The following CRKL variants were observed in gnomAD, a reference collection of about 807,000 sequenced individuals.
CRKL encodes the protein CRK like proto-oncogene, adaptor protein, also known as crk-like protein.
A neutral mutation model predicts 23.0 loss-of-function variants in CRKL; 3 were observed. The observed-to-expected ratio is 0.13, with a 90% confidence interval of 0.06 to 0.34. The LOEUF (loss-of-function observed/expected upper bound fraction) is 0.34, where lower values mean the gene tolerates loss of function less well. Among genes scored for constraint, CRKL ranks in the 10% least tolerant of loss-of-function variants. CRKL has a pLI of 1.00. For missense variants in CRKL, 256 were observed against 394.5 expected (o/e 0.65, Z 2.97); for synonymous variants, 188 against 160.7 (o/e 1.17, Z -1.28).
intron 2 of CRKL, among the ~76,000 whole-genome samples, chr22:20,949,086 C>G (rs929678524): frequency 6.6e-6 from 1 of 152,074 alleles, no homozygotes; most frequent in African/African-American, 2.4e-5. Flanking sequence ...GGGTGGGGAG[C>G]TGCTTTGTGC....
chr22:20,937,083 C>A (rs1362741913), intron 2 of CRKL, among the ~76,000 whole-genome samples: 1 of 151,384 alleles, frequency 6.6e-6, no homozygotes, highest in Admixed American at 6.6e-5. Context: ...AACTCCTAGC[C>A]TCTGATCATC....
chr22:20,920,299 A>G (rs6004914), intron 1 of CRKL, among the ~76,000 whole-genome samples: 127,519 of 152,014 alleles, frequency 0.84, 53,680 homozygotes, highest in East Asian at 0.92. Flanking sequence ...TCAGGAGTTC[A>G]AGACCATCTT....
At chr22:20,941,811 C>G (rs541865400) in intron 2 of CRKL, among the ~76,000 whole-genome samples, 118 of 151,278 alleles carry the variant, frequency 7.8e-4, no homozygotes, top group African/African-American at 2.7e-3. Context: ...CTAGGCTGCT[C>G]TTGAACTCCT....
intron 1 of CRKL, among the ~76,000 whole-genome samples, chr22:20,927,035 C>T (rs1170762637): frequency 7.4e-6 from 1 of 135,510 alleles, no homozygotes; most frequent in Admixed American, 8.5e-5. Flanking sequence ...TGGCTTGAAC[C>T]TGGGAGGCAG....
chr22:20,933,572 G>T (rs1921543892), intron 1 of CRKL, among the ~76,000 whole-genome samples: 1 of 152,080 alleles, frequency 6.6e-6, no homozygotes, highest in Admixed American at 6.6e-5. Flanking sequence ...GGAGGCTGAG[G>T]CAGGAGCATC....
intron 1 of CRKL, among the ~76,000 whole-genome samples, chr22:20,927,908 T>G (rs1345520536): frequency 2.2e-5 from 3 of 137,888 alleles, no homozygotes; most frequent in Non-Finnish European, 4.6e-5. Context: ...ATGTCTGTAA[T>G]CCCAGCACTT....
chr22:20,941,584 A>ATTTTT (rs1921881721), intron 2 of CRKL, among the ~76,000 whole-genome samples: 1 of 15,404 alleles, frequency 6.5e-5, no homozygotes. Context: ...GTGTGTATAT[A>ATTTTT]TATATTTTTT....
At position 20,934,175 on chromosome 22, in the gene CRKL, A is replaced by G; in HGVS notation, c.708A>G (p.Gly236=). The G allele has an allele frequency of 6.2e-7, 1 of 1,614,188 alleles. No individual in the cohort carries two copies. The highest frequency in any genetic ancestry group is 8.5e-7 in the Non-Finnish European group (1 of 1,180,042). ...AITPLPSTQN[G]PVFAKAIQKR... ...CCCCTTTGCCATCCACACAGAATGG[A>G]CCTGTCTTTGCGAAAGCAATCCAGA... Residue 236 remains glycine, a synonymous_variant, in exon 2 of 3, where the codon GGA becomes GGG. Transcript: ENST00000354336.
chr22:20,948,554 A>T lies in CRKL; in HGVS notation c.778-1157A>T, dbSNP rs905874762. Among the ~76,000 whole-genome samples, 10 of 152,198 alleles carry T rather than the reference A, an allele frequency of 6.6e-5. No individual in the cohort carries two copies. The East Asian group carries it at 1.7e-3, about 26-fold the overall frequency. On this transcript the variant is annotated intron_variant, in intron 2 of 2. Coordinates refer to ENST00000354336, the MANE Select transcript of CRKL (RefSeq NM_005207.4). ...AAACTGAGACTTGGAGAACTTAAGCAGTTTGCTACAGTCATGTAGTTTCTA... is the reference window on the plus strand; with the variant it reads ...AAACTGAGACTTGGAGAACTTAAGCTGTTTGCTACAGTCATGTAGTTTCTA...
chr22:20,948,224 A>T (rs1412348525), intron 2 of CRKL, among the ~76,000 whole-genome samples: 2 of 152,194 alleles, frequency 1.3e-5, no homozygotes, highest in East Asian at 3.8e-4. Context: ...TTCAATCCTT[A>T]GCCTCATCTT....
chr22:20,948,688 T>C (rs1172468203), intron 2 of CRKL, among the ~76,000 whole-genome samples: 1 of 152,052 alleles, frequency 6.6e-6, no homozygotes, highest in Non-Finnish European at 1.5e-5. Flanking sequence ...TATTTTGAGA[T>C]GTAGTCTTGC....
Position 20,933,877 on chromosome 22 carries a change from A to G in CRKL, c.410A>G (p.Asn137Ser), listed in dbSNP as rs778388431. ...YVRTLYDFPG[N>S]DAEDLPFKKG... ...CGGACTCTGTATGATTTTCCTGGGA[A>G]TGATGCCGAAGACCTGCCCTTTAAA... Residue 137 changes from asparagine (N) to serine (S), a missense_variant, in exon 2 of 3, where the codon AAT (asparagine) becomes AGT (serine). Transcript: ENST00000354336. 16 of 1,614,174 alleles carry G rather than the reference A, an allele frequency of 9.9e-6. No individual in the cohort carries two copies. In the Middle Eastern group the frequency reaches 6.6e-4, roughly 67 times the overall value.
chr22:20,928,042 A>G (rs1921295623), intron 1 of CRKL, among the ~76,000 whole-genome samples: 1 of 152,028 alleles, frequency 6.6e-6, no homozygotes, highest in African/African-American at 2.4e-5. Context: ...CTGTAATCCC[A>G]GCTACTGGGG....
chr22:20,919,999 C>G (rs5752259), intron 1 of CRKL, among the ~76,000 whole-genome samples: 1 of 152,216 alleles, frequency 6.6e-6, no homozygotes, highest in East Asian at 1.9e-4. Flanking sequence ...CTGGCAGATG[C>G]TGGTAGTTGC....
rs1039005885 is a variant in CRKL, at chr22:20,948,160, C to T, written c.778-1551C>T. The stretch of plus-strand genomic sequence containing the variant: ...ATGTAGAAAGTATCCTGTTGAAGAC[C>T]GCCAGACTCACAAGTTAATTGGAAG... On this transcript the variant is annotated intron_variant, in intron 2 of 2. Transcript: ENST00000354336. Among the ~76,000 whole-genome samples the T allele has an allele frequency of 5.3e-5, 8 of 152,212 alleles. No individual in the cohort carries two copies. The East Asian group carries it at 9.6e-4, about 18-fold the overall frequency.
chr22:20,939,877 C>G (rs570433933), intron 2 of CRKL, among the ~76,000 whole-genome samples: 1 of 151,098 alleles, frequency 6.6e-6, no homozygotes, highest in Non-Finnish European at 1.5e-5. Flanking sequence ...CACCCTCTAC[C>G]TCCCAGGTTC....
chr22:20,927,928 G>T (rs1179704469), intron 1 of CRKL, among the ~76,000 whole-genome samples: 1 of 148,602 alleles, frequency 6.7e-6, no homozygotes, highest in African/African-American at 2.5e-5. Context: ...TTGGGAGGCC[G>T]AGGGAGGCAG....
intron 1 of CRKL, among the ~76,000 whole-genome samples, chr22:20,930,863 G>T (rs934167765): frequency 1.3e-5 from 2 of 150,536 alleles, no homozygotes; most frequent in African/African-American, 4.9e-5. Context: ...TGTATTTTTA[G>T]TAGAGAGACA....
chr22:20,925,816 G>A (rs569192120), intron 1 of CRKL, among the ~76,000 whole-genome samples: 5 of 152,264 alleles, frequency 3.3e-5, no homozygotes, highest in African/African-American at 9.6e-5. Flanking sequence ...GAGCTTTTGT[G>A]CTTTCAGAAA....
Sources: gnomAD v4.1 joint callset for allele counts (sites outside exome capture counted in the v4.1 genomes callset) on GRCh38, gnomAD v4.1.1 for gene constraint, MANE v1.5 for transcripts, NCBI Gene and HGNC (gene_info 2026-07-23, HGNC 2026-07-21) for gene names.